Variants in WDR26 observed in about 807,000 individuals in gnomAD.
WDR26 encodes the protein WD repeat-containing protein 26.
WDR26 carries 5 observed loss-of-function variants against 84.1 expected under a neutral mutation model. That is an observed-to-expected ratio of 0.06 (90% CI 0.03 to 0.13). WDR26 has a LOEUF of 0.13. WDR26 is among the 10% of genes least tolerant of loss of function. The pLI, the probability that WDR26 is intolerant of heterozygous loss-of-function variation, is 1.00. For synonymous variants in WDR26, 415 were observed against 389.6 expected, an observed-to-expected ratio of 1.07 and a Z score of -0.77; for missense variants, 642 against 974.9, an observed-to-expected ratio of 0.66 and a Z score of 4.55.
At chr1:224,413,419 C>T (rs971562729) in intron 6 of WDR26, 2 of 566,534 alleles carry the variant, frequency 3.5e-6, no homozygotes, top group African/African-American at 2.0e-5. Context: ...TGGGTATTTG[C>T]AGGCTGTTTT....
intron 5 of WDR26, 115 bp from the exon 6 acceptor site, chr1:224,418,531 A>C: frequency 9.9e-7 from 1 of 1,006,194 alleles, no homozygotes; most frequent in South Asian, 2.0e-5. Context: ...TCTATTCCTT[A>C]AATAGAGAAG....
At chr1:224,433,548 G>T in intron 1 of WDR26, 136 bp downstream of exon 1, 3 of 1,243,720 alleles carry the variant, frequency 2.4e-6, no homozygotes, top group Non-Finnish European at 3.2e-6. Context: ...TGTGTACTGG[G>T]TCCTGCGTGC....
At chr1:224,419,840 T>C (rs1034585986) in intron 4 of WDR26, among the ~76,000 whole-genome samples, 1 of 149,844 alleles carries the variant, frequency 6.7e-6, no homozygotes, top group Admixed American at 6.8e-5. Context: ...CAAATTCTTA[T>C]GTTATTGTTA....
rs1447788167 is a variant in WDR26, at chr1:224,433,799, A to G, written c.607T>C (p.Ser203Pro). 6.5e-7 allele frequency: 1 copy of G among 1,536,824 alleles called. No individual in the cohort carries two copies. The highest frequency in any genetic ancestry group is 1.4e-5 in the African/African-American group (1 of 73,034). ...CCCAGTTCTGGGGTGGCCAAGGAAG[A>G]GGAGGCGGCGGTGGTGGCGGAGGCA... The change falls in exon 1 of 14, where the codon TCT becomes CCT. Residue 203 changes from serine to proline, a missense_variant. Physicochemically the swap from Ser to Pro is moderately conservative, Grantham distance 74 (BLOSUM62 -1). Transcript: ENST00000414423.
In WDR26 at chr1:224,389,349, T is replaced by TA. The variant is rs1016205540; in HGVS notation, c.*485dup. On this transcript the variant is annotated 3_prime_UTR_variant, in exon 14 of 14. Coordinates refer to ENST00000414423, the MANE Select transcript of WDR26 (RefSeq NM_001379403.1). ...CAAGCTGCAAAGATCTCAAGCTAAA[T>TA]AAGGCGGAAAGATTTGGAGAAACAA... 2 of 242,536 alleles carry TA rather than the reference T, an allele frequency of 8.2e-6. No individual in the cohort carries two copies. Among genetic ancestry groups the TA allele is most frequent in the Non-Finnish European group, 1.6e-5 (2 of 128,466 alleles). The allele number at this position is 242,536 out of a possible 1,614,324, so 15.0% of individuals were successfully genotyped here.
intron 7 of WDR26, among the ~76,000 whole-genome samples, chr1:224,408,636 T>C (rs985789965): frequency 6.9e-6 from 1 of 145,764 alleles, no homozygotes; most frequent in Non-Finnish European, 1.5e-5. Flanking sequence ...TCCCATTCTT[T>C]TTTTTTTTTT....
intron 9 of WDR26, among the ~76,000 whole-genome samples, chr1:224,400,044 T>A (rs959690553): frequency 6.6e-6 from 1 of 152,164 alleles, no homozygotes; most frequent in East Asian, 1.9e-4. Flanking sequence ...AGACACAGAA[T>A]CTAGACTACA....
chr1:224,434,658 C>A lies in WDR26; in HGVS notation c.-253G>T. 1.3e-6 allele frequency: 1 copy of A among 777,914 alleles called. No individual in the cohort carries two copies. The highest frequency in any genetic ancestry group is 1.6e-6 in the Non-Finnish European group (1 of 643,368). The allele number at this position is 777,914 out of a possible 1,614,324, so 48.2% of individuals were successfully genotyped here. A position where few individuals can be genotyped will look rare whatever the true frequency, so the allele number is the denominator to read the frequency against. On this transcript the variant is annotated 5_prime_UTR_variant, in exon 1 of 14. Transcript: ENST00000414423. ...GCGGGGCGGCTGCGGGGGCGCGGGG[C>A]CCGCCGCTGGGCTGAGCCCCGGCAG...
chr1:224,418,632 G>T (rs1572199280), intron 5 of WDR26, among the ~76,000 whole-genome samples: 1 of 152,134 alleles, frequency 6.6e-6, no homozygotes, highest in African/African-American at 2.4e-5. Flanking sequence ...GGTGGGAGGG[G>T]TTTACTTTAT....
At chr1:224,411,688 G>C in intron 6 of WDR26, 123 bp from the exon 7 acceptor site, 1 of 1,055,706 alleles carries the variant, frequency 9.5e-7, no homozygotes, top group South Asian at 1.9e-5. Context: ...AATAAGAAGT[G>C]AATGCATTTG....
rs1219369309 is a variant in WDR26 at position 224,411,454 on chromosome 1, T to C, written c.1431A>G (p.Thr477=). Residue 477 remains threonine (T), a synonymous_variant, in exon 7 of 14, where the codon ACA becomes ACG. Coordinates refer to ENST00000414423, the MANE Select transcript of WDR26 (RefSeq NM_001379403.1). ...GATCAACTTGCCATATGATAACTGT[T>C]GTATCTTTTGATCCTGTTGCTAGTT... 1 of 1,613,114 alleles carries C rather than the reference T, an allele frequency of 6.2e-7. No individual in the cohort carries two copies.
At chr1:224,402,807 T>A (rs1314299162) in intron 8 of WDR26, among the ~76,000 whole-genome samples, 1 of 152,104 alleles carries the variant, frequency 6.6e-6, no homozygotes, top group Non-Finnish European at 1.5e-5. Context: ...CTGAACCCAA[T>A]CACAAATACA....
In WDR26 at chr1:224,434,688, TGCGGCGGCG is replaced by T. The variant is rs779741438; in HGVS notation, c.-292_-284del. Reference sequence around the variant, plus strand: ...CGCTGGGCTGAGCCCCGGCAGTGGCTGCGGCGGCGGCGGCGGCGGGCGGCAGCGGAGGCA... The same window carrying T: ...CGCTGGGCTGAGCCCCGGCAGTGGCTGCGGCGGCGGGCGGCAGCGGAGGCA... On this transcript the variant is annotated 5_prime_UTR_variant, in exon 1 of 14. Coordinates refer to ENST00000414423, the MANE Select transcript of WDR26 (RefSeq NM_001379403.1). 47 of 895,802 alleles carry T rather than the reference TGCGGCGGCG, an allele frequency of 5.2e-5. No homozygotes were observed. In the East Asian group the frequency reaches 4.0e-3, roughly 77 times the overall value. 55.5% of individuals were successfully genotyped at this position (895,802 alleles called of 1,614,324 possible).
chr1:224,431,288 CATTTACTAAGTATG>C (rs1361525662), intron 3 of WDR26, 175 bp downstream of exon 3: 2 of 514,364 alleles, frequency 3.9e-6, no homozygotes, highest in South Asian at 5.8e-5. Context: ...TCAAATGACA[CATTTACTAAGTATG>C]ATTTTAAAGA....
intron 12 of WDR26, 136 bp downstream of exon 12, chr1:224,397,961 A>C: frequency 1.9e-6 from 2 of 1,050,842 alleles, no homozygotes; most frequent in Non-Finnish European, 2.7e-6. Flanking sequence ...TACAGAGAGA[A>C]ATTAACCGTG....
At chr1:224,427,545 A>G (rs1674265198) in intron 3 of WDR26, among the ~76,000 whole-genome samples, 1 of 152,232 alleles carries the variant, frequency 6.6e-6, no homozygotes. Context: ...CTGTATATAC[A>G]GGGAATGCTA....
Position 224,434,753 on chromosome 1 carries a change from C to G in WDR26, c.-348G>C, listed in dbSNP as rs1313682727. ...CGCCTCTGTCCTCGGATCCGCTCCG[C>G]TCTGCTCCCTGGTGTGTTGATTCTT... On this transcript the variant is annotated 5_prime_UTR_variant, in exon 1 of 14. Transcript: ENST00000414423. 2.0e-6 allele frequency: 2 copies of G among 986,944 alleles called. No homozygotes were observed. The highest frequency in any genetic ancestry group is 2.4e-6 in the Non-Finnish European group (2 of 830,988). The allele number at this position is 986,944 out of a possible 1,614,324, so 61.1% of individuals were successfully genotyped here.
intron 12 of WDR26, among the ~76,000 whole-genome samples, chr1:224,394,954 A>C (rs1673220213): frequency 6.6e-6 from 1 of 152,186 alleles, no homozygotes; most frequent in African/African-American, 2.4e-5. Context: ...GCATCATGAT[A>C]TGGCTTTGTA....
chr1:224,423,904 C>T (rs1313624759), intron 4 of WDR26, among the ~76,000 whole-genome samples: 1 of 152,092 alleles, frequency 6.6e-6, no homozygotes, highest in Admixed American at 6.6e-5. Context: ...AATAAAGAGG[C>T]CCAGGATCAA....
Sources: allele counts gnomAD v4.1 joint callset (sites outside exome capture counted in the v4.1 genomes callset), GRCh38; gene constraint gnomAD v4.1.1; transcripts MANE v1.5; gene names NCBI Gene and HGNC (gene_info 2026-07-23, HGNC 2026-07-21).